The following CEP78 variants were observed in gnomAD, a reference collection of about 807,000 sequenced individuals.
CEP78 encodes centrosomal protein 78.
In CEP78, 76 loss-of-function variants were observed where a neutral mutation model predicts 81.2. The observed-to-expected ratio is 0.94, with a 90% CI of 0.78 to 1.13. CEP78 has a LOEUF of 1.13. CEP78 is among the 50% of genes most tolerant of loss of function. CEP78 has a pLI of 0.00. For missense variants in CEP78, 918 were observed against 846.8 expected (o/e 1.08, Z -1.04); for synonymous variants, 293 against 301.4 (o/e 0.97, Z 0.29).
chr9:78,238,113 A>T (rs1164799100), intron 1 of CEP78, among the ~76,000 whole-genome samples: 3 of 151,678 alleles, frequency 2.0e-5, no homozygotes, highest in Non-Finnish European at 4.4e-5. Context: ...CAACAAGAGC[A>T]AAACTCTGTC....
intron 11 of CEP78, among the ~76,000 whole-genome samples, chr9:78,256,052 G>A (rs925941881): frequency 6.6e-6 from 1 of 152,114 alleles, no homozygotes; most frequent in East Asian, 1.9e-4. Context: ...TCTAACATAC[G>A]TAAGCCTACA....
chr9:78,250,984 G>A (rs1482315051), intron 8 of CEP78, among the ~76,000 whole-genome samples: 1 of 152,124 alleles, frequency 6.6e-6, no homozygotes, highest in Non-Finnish European at 1.5e-5. Flanking sequence ...CTGTCCTAAA[G>A]CTGCTAAAGT....
chr9:78,260,982 C>T (rs1201927767), intron 11 of CEP78, among the ~76,000 whole-genome samples: 2 of 152,042 alleles, frequency 1.3e-5, no homozygotes, highest in African/African-American at 4.8e-5. Context: ...GATGGAGTCT[C>T]GCTCTGTTGC....
chr9:78,264,420 T>C, intron 13 of CEP78, 104 bp downstream of exon 13: 2 of 850,892 alleles, frequency 2.4e-6, no homozygotes, highest in Admixed American at 2.8e-5. Flanking sequence ...ATATTTACTG[T>C]GTAATTATAA....
intron 10 of CEP78, chr9:78,253,548 C>A (rs1471070256): frequency 1.7e-5 from 6 of 360,246 alleles, no homozygotes; most frequent in Non-Finnish European, 3.1e-5. Flanking sequence ...CAAATTTGAC[C>A]ACCATTTCTC....
chr9:78,248,727 T>C, intron 7 of CEP78, 35 bp from the exon 8 acceptor site: 1 of 1,079,724 alleles, frequency 9.3e-7, no homozygotes, highest in Non-Finnish European at 1.4e-6. Flanking sequence ...AAATGATCTG[T>C]AACTGAAATA....
Position 78,277,478 on chromosome 9 carries a change from GA to G in CEP78, c.*6628del, listed in dbSNP as rs1827828138. ...AAATATTTTATAAATAAGAAATACA[GA>G]CTATAAACATAAACTTTCAACCTCG... On this transcript the variant is annotated 3_prime_UTR_variant, in exon 17 of 17. Transcript: ENST00000643273. 1 of 152,042 alleles carries G rather than the reference GA, an allele frequency of 6.6e-6. No homozygotes were observed. The highest frequency in any genetic ancestry group is 2.4e-5 in the African/African-American group (1 of 41,398). The allele number at this position is 152,042 out of a possible 1,614,324, so 9.4% of individuals were successfully genotyped here.
Position 78,236,506 on chromosome 9 carries a change from G to A in CEP78, c.156G>A (p.Gly52=). The change falls in exon 1 of 17, where the codon GGG becomes GGA. Residue 52 remains glycine (G), a synonymous_variant. Coordinates refer to ENST00000643273, the MANE Select transcript of CEP78 (RefSeq NM_001330691.3). ...ATTTCAACGCCGACCGCCTCCGCGG[G>A]GTGGACTGGGCGCCTCTGCTGAGCA... ...VLDFNADRLR[G]VDWAPLLSTL... 1.2e-6 allele frequency: 2 copies of A among 1,606,888 alleles called. No individual in the cohort carries two copies. The highest frequency in any genetic ancestry group is 1.7e-6 in the Non-Finnish European group (2 of 1,176,728).
chr9:78,271,520 CTG>C lies in CEP78; in HGVS notation c.*670_*671del, dbSNP rs1162364899. ...GGAAATTAAAAATTTGATTATGAAA[CTG>C]AAACACTCAGAAGATGGACTACACA... On this transcript the variant is annotated 3_prime_UTR_variant, in exon 17 of 17. Coordinates refer to ENST00000643273, the MANE Select transcript of CEP78 (RefSeq NM_001330691.3). 4.6e-5 allele frequency: 7 copies of C among 151,728 alleles called. No individual in the cohort carries two copies. Among genetic ancestry groups the C allele is most frequent in the Non-Finnish European group, 1.0e-4 (7 of 68,002 alleles). 9.4% of individuals were successfully genotyped at this position (151,728 alleles called of 1,614,324 possible).
At chr9:78,261,092 A>G (rs1827253541) in intron 11 of CEP78, among the ~76,000 whole-genome samples, 1 of 152,064 alleles carries the variant, frequency 6.6e-6, no homozygotes, top group African/African-American at 2.4e-5. Context: ...CTGGGATTAC[A>G]GGTGCGCACC....
intron 12 of CEP78, 82 bp from the exon 13 acceptor site, chr9:78,264,068 A>G (rs1827398034): frequency 3.1e-6 from 3 of 982,180 alleles, no homozygotes; most frequent in South Asian, 2.4e-5. Context: ...CATTTTTAAA[A>G]TGTTTTATTT....
chr9:78,257,483 G>A (rs1438937346), intron 11 of CEP78, among the ~76,000 whole-genome samples: 1 of 152,174 alleles, frequency 6.6e-6, no homozygotes, highest in Non-Finnish European at 1.5e-5. Flanking sequence ...GGGATCAGTG[G>A]TTTCAGTGTG....
intron 6 of CEP78, among the ~76,000 whole-genome samples, chr9:78,247,929 G>T (rs545563905): frequency 2.0e-5 from 3 of 152,134 alleles, no homozygotes; most frequent in Non-Finnish European, 2.9e-5. Flanking sequence ...CTTTGGGGGC[G>T]CATCATGACT....
Position 78,268,408 on chromosome 9 carries a change from T to C in CEP78, c.2107+1705T>C, listed in dbSNP as rs117510173. Among the ~76,000 whole-genome samples, 425 of 152,300 alleles carry C rather than the reference T, an allele frequency of 2.8e-3. 1 individual carries two copies. The highest frequency in any genetic ancestry group is 4.1e-3 in the Non-Finnish European group (278 of 68,020). On this transcript the variant is annotated intron_variant, in intron 16 of 16. Coordinates refer to ENST00000643273, the MANE Select transcript of CEP78 (RefSeq NM_001330691.3). Reference sequence around the variant, plus strand: ...GCTAGGGGAACAAGATCGAGTCTTATAATCCACGTTGCATGGAGCTGGTTC... The same window carrying C: ...GCTAGGGGAACAAGATCGAGTCTTACAATCCACGTTGCATGGAGCTGGTTC...
At position 78,248,363 on chromosome 9, in the gene CEP78, A is replaced by G. The variant is rs763178181; in HGVS notation, c.957+8A>G. ...AGGAGTGCCAAATCAGAGGTATATC[A>G]TGTTTTATTTCTCCAGAAAGAATTC... On this transcript the variant is annotated splice_region_variant and intron_variant, in intron 7 of 16. Coordinates refer to ENST00000643273, the MANE Select transcript of CEP78 (RefSeq NM_001330691.3). 6 of 1,530,968 alleles carry G rather than the reference A, an allele frequency of 3.9e-6. No homozygotes were observed. Among genetic ancestry groups the G allele is most frequent in the Admixed American group, 1.7e-5 (1 of 59,810 alleles). The allele number at this position is 1,530,968 out of a possible 1,614,324, so 94.8% of individuals were successfully genotyped here.
At chr9:78,252,518 AC>A (rs1826814401) in intron 9 of CEP78, among the ~76,000 whole-genome samples, 1 of 152,232 alleles carries the variant, frequency 6.6e-6, no homozygotes, top group South Asian at 2.1e-4. Context: ...TTAGCCAGTT[AC>A]CTAGGTGATA....
chr9:78,240,456 T>C, intron 3 of CEP78, 92 bp downstream of exon 3: 1 of 1,049,326 alleles, frequency 9.5e-7, no homozygotes, highest in Non-Finnish European at 1.4e-6. Flanking sequence ...CCTTTTTTCT[T>C]ACTACTGCCT....
intron 5 of CEP78, among the ~76,000 whole-genome samples, chr9:78,245,455 A>G (rs1238329559): frequency 6.6e-6 from 1 of 152,152 alleles, no homozygotes; most frequent in Non-Finnish European, 1.5e-5. Flanking sequence ...CAAGACCTCA[A>G]CTAAACCTAA....
At position 78,246,725 on chromosome 9, in the gene CEP78, G is replaced by A; in HGVS notation, c.835G>A (p.Ala279Thr). The change falls in exon 6 of 17, where the codon GCC becomes ACC. Residue 279 changes from alanine to threonine, a missense_variant. Ala to Thr is a moderately conservative substitution (Grantham distance 58). Coordinates refer to ENST00000643273, the MANE Select transcript of CEP78 (RefSeq NM_001330691.3). ...TNEGAKALLE[A>T]LETNTTLVVL... ...TGAAGGAGCAAAGGCTTTGCTAGAG[G>A]CCCTTGAAACCAATACAACTCTGGT... 1 of 1,611,228 alleles carries A rather than the reference G, an allele frequency of 6.2e-7. No individual in the cohort carries two copies. The highest frequency in any genetic ancestry group is 8.5e-7 in the Non-Finnish European group (1 of 1,178,722).
Sources: gnomAD v4.1 joint callset for allele counts (sites outside exome capture counted in the v4.1 genomes callset) on GRCh38, gnomAD v4.1.1 for gene constraint, MANE v1.5 for transcripts, NCBI Gene and HGNC (gene_info 2026-07-23, HGNC 2026-07-21) for gene names.